TMA7: variants seen among roughly 807,000 people sequenced by gnomAD.
TMA7 encodes the protein translation machinery associated 7 homolog.
Under a neutral mutation model 12.5 loss-of-function variants are expected in TMA7, and 5 were observed. That is an observed-to-expected ratio of 0.40 (90% confidence interval 0.21 to 0.84). The LOEUF is 0.84. Among genes scored for constraint, TMA7 ranks in the 40% least tolerant of loss-of-function variants. TMA7 has a pLI of 0.36. For missense variants in TMA7, 71 were observed against 75.4 expected (o/e 0.94, Z 0.22); for synonymous variants, 36 against 28.1 (o/e 1.28, Z -0.89).
chr3:48,442,288 G>A (rs965406259), intron 3 of TMA7, among the ~76,000 whole-genome samples: 1 of 149,990 alleles, frequency 6.7e-6, no homozygotes, highest in Admixed American at 6.6e-5. Context: ...AAGGTATCTT[G>A]CACCCTCTTT....
chr3:48,440,364 G>C (rs754046882), intron 1 of TMA7, 39 bp from the exon 2 acceptor site: 2 of 1,611,710 alleles, frequency 1.2e-6, no homozygotes. Flanking sequence ...TGGGGACCGG[G>C]CGGCAGGGGC....
intron 3 of TMA7, 49 bp downstream of exon 3, chr3:48,440,677 C>T (rs368317980): frequency 6.6e-5 from 103 of 1,550,472 alleles, no homozygotes; most frequent in Non-Finnish European, 7.5e-5. Flanking sequence ...CTATGAGCAC[C>T]TATTGGGATG....
intron 3 of TMA7, 47 bp from the exon 4 acceptor site, chr3:48,443,801 C>G: frequency 6.6e-7 from 1 of 1,506,788 alleles, no homozygotes; most frequent in Non-Finnish European, 8.9e-7. Flanking sequence ...GGGCTTCTAC[C>G]GTAAGAACTA....
intron 3 of TMA7, 75 bp downstream of exon 3, chr3:48,440,703 C>T (rs1417207782): frequency 3.0e-5 from 40 of 1,333,148 alleles, no homozygotes; most frequent in Admixed American, 6.0e-5. Flanking sequence ...GCGGGCATGT[C>T]TTTTTCCTGC....
chr3:48,441,941 A>G (rs1382329970), intron 3 of TMA7, among the ~76,000 whole-genome samples: 2 of 152,278 alleles, frequency 1.3e-5, no homozygotes, highest in Admixed American at 6.5e-5. Context: ...CCTTTTCAGA[A>G]TGGTGTAAGG....
intron 3 of TMA7, chr3:48,441,018 T>G (rs1260640848): frequency 4.0e-6 from 1 of 247,620 alleles, no homozygotes; most frequent in Non-Finnish European, 8.0e-6. Context: ...TTTTTTTGTT[T>G]TGTTTTGTTT....
Position 48,440,290 on chromosome 3 carries a change from A to C in TMA7, c.-7A>C. Reference sequence around the variant, plus strand: ...TGGCAGGGTCTGGGGAAGCGGCGGCAGGCGCCATGTCCGGCCGCGAAGGTA... The same window carrying C: ...TGGCAGGGTCTGGGGAAGCGGCGGCCGGCGCCATGTCCGGCCGCGAAGGTA... On this transcript the variant is annotated 5_prime_UTR_variant, in exon 1 of 4. Coordinates refer to ENST00000438607, the MANE Select transcript of TMA7 (RefSeq NM_015933.6). The C allele has an allele frequency of 1.9e-6, 3 of 1,603,630 alleles. No homozygotes were observed. Among genetic ancestry groups the C allele is most frequent in the African/African-American group, 1.3e-5 (1 of 74,920 alleles).
rs369588293 is a variant in TMA7 at position 48,440,372 on chromosome 3, G to C, written c.17-31G>C. 1.1e-5 allele frequency: 18 copies of C among 1,611,834 alleles called. 1 individual carries two copies. In the Admixed American group the frequency reaches 2.2e-4, roughly 19 times the overall value. Reference sequence around the variant, plus strand: ...GGCGGGGTGGGGACCGGGCGGCAGGGGCAGGCCGAACGTGCTCGTGTCGCC... The same window carrying C: ...GGCGGGGTGGGGACCGGGCGGCAGGCGCAGGCCGAACGTGCTCGTGTCGCC... On this transcript the variant is annotated intron_variant, in intron 1 of 3. Transcript: ENST00000438607.
chr3:48,440,732 T>C, intron 3 of TMA7, 104 bp downstream of exon 3: 1 of 1,033,432 alleles, frequency 9.7e-7, no homozygotes, highest in Non-Finnish European at 1.4e-6. Flanking sequence ...CTGCGAGGTC[T>C]CGTTTTCCGA....
chr3:48,440,769 C>T lies in TMA7; in HGVS notation c.160+141C>T, dbSNP rs528496499. ...GTCCGCTGCAGCGAATGGTCTCTAG[C>T]CAGTCTAGGATTTGCAGCGGCAGTA... On this transcript the variant is annotated intron_variant, in intron 3 of 3. Transcript: ENST00000438607. 7 of 760,220 alleles carry T rather than the reference C, an allele frequency of 9.2e-6. No homozygotes were observed. The Admixed American group carries it at 1.6e-4, about 17-fold the overall frequency. 47.1% of individuals were successfully genotyped at this position (760,220 alleles called of 1,614,324 possible). A position where few individuals can be genotyped will look rare whatever the true frequency, so the allele number is the denominator to read the frequency against.
At chr3:48,443,071 C>A (rs1176101145) in intron 3 of TMA7, among the ~76,000 whole-genome samples, 1 of 151,340 alleles carries the variant, frequency 6.6e-6, no homozygotes, top group Non-Finnish European at 1.5e-5. Flanking sequence ...CAAACCCCAT[C>A]TCTACTAAAA....
intron 3 of TMA7, among the ~76,000 whole-genome samples, chr3:48,443,535 G>GAA (rs35356755): frequency 5.7e-4 from 65 of 114,732 alleles, no homozygotes; most frequent in African/African-American, 1.7e-3. Context: ...TTCCATCTCA[G>GAA]AAAAAAAAAA....
Position 48,440,846 on chromosome 3 carries a change from C to G in TMA7, c.160+218C>G, listed in dbSNP as rs1004899063. The G allele has an allele frequency of 2.5e-5, 15 of 596,244 alleles. No individual in the cohort carries two copies. In the South Asian group the frequency reaches 2.7e-4, roughly 11 times the overall value. The allele number at this position is 596,244 out of a possible 1,614,324, so 36.9% of individuals were successfully genotyped here. A position where few individuals can be genotyped will look rare whatever the true frequency, so the allele number is the denominator to read the frequency against. ...CCTGCCTCCCAGGCAGTCTGGGCTT[C>G]CATTCCTTAGGAAGAGCTGCAGAAA... is the stretch of plus-strand genomic sequence containing the variant. On this transcript the variant is annotated intron_variant, in intron 3 of 3. Transcript: ENST00000438607.
At chr3:48,442,442 T>A (rs1284539342) in intron 3 of TMA7, among the ~76,000 whole-genome samples, 1 of 151,038 alleles carries the variant, frequency 6.6e-6, no homozygotes, top group Non-Finnish European at 1.5e-5. Context: ...TAGGCATATG[T>A]AACCCTACAC....
chr3:48,440,908 TCA>T (rs2039545733), intron 3 of TMA7: 2 of 520,228 alleles, frequency 3.8e-6, no homozygotes, highest in African/African-American at 3.8e-5. Flanking sequence ...AGACGCAGAT[TCA>T]CAGTTAAGTT....
At chr3:48,441,405 A>T (rs1575430654) in intron 3 of TMA7, among the ~76,000 whole-genome samples, 1 of 146,930 alleles carries the variant, frequency 6.8e-6, no homozygotes, top group Non-Finnish European at 1.5e-5. Context: ...CTGGTCTCGA[A>T]CTCCTGACTT....
Position 48,440,475 on chromosome 3 carries a change from AGGCACTGGCGGGTGCGGG to A in TMA7, c.72+21_72+38del, listed in dbSNP as rs760096856. The stretch of plus-strand genomic sequence containing the variant: ...ATGGACGAGGTGAGGGCGGGCGCGG[AGGCACTGGCGGGTGCGGG>A]GGCGCTGGGAGACAGGCCTGAGTTG... On this transcript the variant is annotated intron_variant, in intron 2 of 3. Coordinates refer to ENST00000438607, the MANE Select transcript of TMA7 (RefSeq NM_015933.6). 6.2e-7 allele frequency: 1 copy of A among 1,610,808 alleles called. No homozygotes were observed.
rs1258778650 is a variant in TMA7 at position 48,440,618 on chromosome 3, G to A, written c.150G>A (p.Lys50=). Residue 50 remains lysine, a synonymous_variant, in exon 3 of 4, where the codon AAG becomes AAA. Coordinates refer to ENST00000438607, the MANE Select transcript of TMA7 (RefSeq NM_015933.6). The part of the protein sequence containing the change: ...LEELKAKAAG[K]GPLATGGIKK... ...AGCTAAAAGCGAAGGCCGCGGGGAAGGGGCCCTTGGGTAAGTGGGGGCCGA... is the reference window on the plus strand; with the variant it reads ...AGCTAAAAGCGAAGGCCGCGGGGAAAGGGCCCTTGGGTAAGTGGGGGCCGA... The A allele has an allele frequency of 1.2e-6, 2 of 1,611,138 alleles. No individual in the cohort carries two copies. Among genetic ancestry groups the A allele is most frequent in the Admixed American group, 3.3e-5 (2 of 59,878 alleles).
At chr3:48,440,737 T>C (rs1477965862) in intron 3 of TMA7, 109 bp downstream of exon 3, 2 of 965,780 alleles carry the variant, frequency 2.1e-6, no homozygotes, top group African/African-American at 3.3e-5. Flanking sequence ...AGGTCTCGTT[T>C]TCCGACGTCC....
Sources: gnomAD v4.1 joint callset for allele counts (sites outside exome capture counted in the v4.1 genomes callset) on GRCh38, gnomAD v4.1.1 for gene constraint, MANE v1.5 for transcripts, NCBI Gene and HGNC (gene_info 2026-07-23, HGNC 2026-07-21) for gene names.